CREBBP: variants seen among roughly 807,000 people sequenced by gnomAD.
The protein encoded by CREBBP is CREB-binding protein.
In CREBBP, 19 loss-of-function variants were observed where a neutral mutation model predicts 265.0. The observed-to-expected ratio is 0.07, with a 90% confidence interval of 0.05 to 0.11. CREBBP has a LOEUF of 0.11. Ranked by LOEUF, CREBBP falls within the 10% of genes least tolerant of loss-of-function variation. The probability of loss-of-function intolerance (pLI) is 1.00; values close to 1 mark genes in which losing one functional copy is unlikely to be tolerated. For missense variants in CREBBP, 2,525 were observed against 3,219.0 expected (o/e 0.78, Z 5.22); for synonymous variants, 1,457 against 1,223.7 (o/e 1.19, Z -3.98).
At chr16:3,849,435 G>GATGTGCGTGACCT (rs1311938862) in intron 2 of CREBBP, among the ~76,000 whole-genome samples, 2 of 15,726 alleles carry the variant, frequency 1.3e-4, no homozygotes, top group African/African-American at 2.4e-4. Context: ...GTGTGTGTGT[G>GATGTGCGTGACCT]TGTGTGTGTG....
chr16:3,756,805 A>C (rs1230044408), intron 19 of CREBBP, among the ~76,000 whole-genome samples: 2 of 152,206 alleles, frequency 1.3e-5, no homozygotes, highest in African/African-American at 4.8e-5. Flanking sequence ...GAACATCTTG[A>C]AAAAGGCATG....
chr16:3,805,261 C>T (rs906703645), intron 3 of CREBBP, among the ~76,000 whole-genome samples: 35 of 152,190 alleles, frequency 2.3e-4, no homozygotes, highest in African/African-American at 8.4e-4. Flanking sequence ...GGGCTTACTT[C>T]CAAACCTTCC....
Position 3,731,090 on chromosome 16 carries a change from A to T in CREBBP, c.5172+102T>A. The T allele has an allele frequency of 8.1e-7, 1 of 1,228,810 alleles. No homozygotes were observed. The highest frequency in any genetic ancestry group is 1.2e-6 in the Non-Finnish European group (1 of 858,694). 76.1% of individuals were successfully genotyped at this position (1,228,810 alleles called of 1,614,324 possible). A position where few individuals can be genotyped will look rare whatever the true frequency, so the allele number is the denominator to read the frequency against. ...TAGTTCTGGAGGAGTCAGTGCAGCCACCATCAGGTACAGACACCAACCCGG... is the reference window on the plus strand; with the variant it reads ...TAGTTCTGGAGGAGTCAGTGCAGCCTCCATCAGGTACAGACACCAACCCGG... On this transcript the variant is annotated intron_variant, in intron 30 of 30. Transcript: ENST00000262367. This position sits in a 1 kb window ranked among gnomAD's most constrained non-coding sequence, Gnocchi z 7.7.
intron 1 of CREBBP, among the ~76,000 whole-genome samples, chr16:3,859,827 C>A (rs1163010606): frequency 6.6e-6 from 1 of 152,176 alleles, no homozygotes; most frequent in Non-Finnish European, 1.5e-5. Context: ...CTCTCACACG[C>A]CTTGCCCTAT....
rs2054743205 is a variant in CREBBP, at chr16:3,849,419, GTGTGTGTGTGTGTGTGTGT to G, written c.798+859_798+877del. Among the ~76,000 whole-genome samples, 16 of 7,740 alleles carry G rather than the reference GTGTGTGTGTGTGTGTGTGT, an allele frequency of 2.1e-3. 1 individual carries two copies. Among genetic ancestry groups the G allele is most frequent in the African/African-American group, 2.3e-3 (14 of 6,006 alleles). 5.1% of individuals were successfully genotyped at this position (7,740 alleles called of 152,430 possible). On this transcript the variant is annotated intron_variant, in intron 2 of 30. Coordinates refer to ENST00000262367, the MANE Select transcript of CREBBP (RefSeq NM_004380.3). ...TGTGTGTGTGTGTGTGTGTGTGTGT[GTGTGTGTGTGTGTGTGTGT>G]GTGTGTGTGTGTGTGTGTGTGTGTG...
At chr16:3,747,670 A>G (rs2052374192) in intron 21 of CREBBP, among the ~76,000 whole-genome samples, 1 of 152,220 alleles carries the variant, frequency 6.6e-6, no homozygotes. Flanking sequence ...GTTGAAAAGT[A>G]GATATAAATT....
intron 2 of CREBBP, among the ~76,000 whole-genome samples, chr16:3,812,045 C>G (rs1056319414): frequency 1.3e-5 from 2 of 151,852 alleles, no homozygotes; most frequent in Admixed American, 6.6e-5. Context: ...ATCCACTGGG[C>G]AGGAGGAGGT....
chr16:3,751,873 A>G (rs2052482181), intron 19 of CREBBP, 67 bp from the exon 20 acceptor site: 2 of 1,504,206 alleles, frequency 1.3e-6, no homozygotes, highest in Non-Finnish European at 1.8e-6. Flanking sequence ...CAAGCAACGA[A>G]GCCACCAATC....
chr16:3,811,595 G>A (rs1172112451), intron 2 of CREBBP, among the ~76,000 whole-genome samples: 2 of 152,250 alleles, frequency 1.3e-5, no homozygotes, highest in South Asian at 4.2e-4. Flanking sequence ...GGGTTCAAGC[G>A]ATTCTCTTGC....
At chr16:3,851,432 C>T (rs1203942757) in intron 1 of CREBBP, among the ~76,000 whole-genome samples, 1 of 151,528 alleles carries the variant, frequency 6.6e-6, no homozygotes, top group Non-Finnish European at 1.5e-5. Flanking sequence ...GACAGCCCTA[C>T]TATATTTATC....
Position 3,728,149 on chromosome 16 carries a change from G to T in CREBBP, c.6898C>A (p.Gln2300Lys). 6.2e-7 allele frequency: 1 copy of T among 1,614,158 alleles called. No homozygotes were observed. Among genetic ancestry groups the T allele is most frequent in the Non-Finnish European group, 8.5e-7 (1 of 1,180,026 alleles). The change falls in exon 31 of 31, where the codon CAG (glutamine) becomes AAG (lysine). Residue 2300 changes from glutamine to lysine, a missense_variant. Gln to Lys is a moderately conservative substitution (Grantham distance 53, BLOSUM62 1). This residue lies in a region of CREBBP where 473 missense variants were observed against 459.3 expected (regional missense o/e 1.03). Transcript: ENST00000262367. The surrounding 1 kb of genome is among the most constrained non-coding windows in gnomAD (Gnocchi z 8.7). ...GGGGACCCAATCTGCTGCTTCATCT[G>T]CTGTTGCTGCAGAATCCGCTGCTGC... ...ALQQRILQQQ[Q>K]MKQQIGSPGQ... is the part of the protein sequence containing the mutation.
At chr16:3,833,458 A>G (rs909144651) in intron 2 of CREBBP, among the ~76,000 whole-genome samples, 4 of 152,208 alleles carry the variant, frequency 2.6e-5, no homozygotes, top group African/African-American at 9.7e-5. Flanking sequence ...TAGAGGTCCT[A>G]GGCAGAACAT....
chr16:3,751,881 A>G, intron 19 of CREBBP, 75 bp from the exon 20 acceptor site: 1 of 1,426,928 alleles, frequency 7.0e-7, no homozygotes. Flanking sequence ...GAAGCCACCA[A>G]TCAGAGCAGG....
At chr16:3,867,967 G>A (rs1188244742) in intron 1 of CREBBP, among the ~76,000 whole-genome samples, 1 of 151,984 alleles carries the variant, frequency 6.6e-6, no homozygotes, top group Non-Finnish European at 1.5e-5. Context: ...AACAAAGCCT[G>A]CATTTCTAAT....
intron 21 of CREBBP, among the ~76,000 whole-genome samples, chr16:3,746,714 G>T (rs777230457): frequency 6.6e-6 from 1 of 152,146 alleles, no homozygotes; most frequent in Admixed American, 6.5e-5. Flanking sequence ...GGAGAGGCTG[G>T]GGTGGAAGGA....
At chr16:3,808,104 G>A (rs976958999) in intron 3 of CREBBP, among the ~76,000 whole-genome samples, 1 of 141,584 alleles carries the variant, frequency 7.1e-6, no homozygotes, top group Admixed American at 7.2e-5. Flanking sequence ...GGAAGAGAGG[G>A]AGAGAGAAAG....
rs3025701 is a variant in CREBBP, at chr16:3,806,898, T to A, written c.975+3705A>T. ...AGTGCTGTCCCAATACCCTGGGGTC[T>A]CTGTGGCTTCTTCTCAACTTTCCAA... On this transcript the variant is annotated intron_variant, in intron 3 of 30. Coordinates refer to ENST00000262367, the MANE Select transcript of CREBBP (RefSeq NM_004380.3). 0.012 allele frequency among the ~76,000 whole-genome samples: 1,784 copies of A among 152,298 alleles called. 61 individuals carry two copies. In the East Asian group the frequency reaches 0.12, roughly 10 times the overall value.
intron 11 of CREBBP, among the ~76,000 whole-genome samples, chr16:3,777,363 TAGAA>T (rs2053167954): frequency 6.7e-6 from 1 of 149,554 alleles, no homozygotes; most frequent in African/African-American, 2.5e-5. Context: ...TAAAATAAAA[TAGAA>T]ATAAATAAAT....
At chr16:3,877,902 G>T (rs887771565) in intron 1 of CREBBP, among the ~76,000 whole-genome samples, 3 of 152,162 alleles carry the variant, frequency 2.0e-5, no homozygotes, top group African/African-American at 7.2e-5. Flanking sequence ...TGCCTTACAA[G>T]GATCAAAATT....
Sources: allele counts gnomAD v4.1 joint callset (sites outside exome capture counted in the v4.1 genomes callset), GRCh38; gene constraint gnomAD v4.1.1; regional missense constraint gnomAD v4.1.1; non-coding constraint Gnocchi (gnomAD v3.1); transcripts MANE v1.5; gene names NCBI Gene and HGNC (gene_info 2026-07-23, HGNC 2026-07-21).